Variants in MAPK8 observed in about 807,000 individuals in gnomAD.
MAPK8 encodes the protein mitogen-activated protein kinase 8.
Under a neutral mutation model 52.9 loss-of-function variants are expected in MAPK8, and 13 were observed. The observed-to-expected ratio is 0.25, with a 90% CI of 0.16 to 0.39. The LOEUF (loss-of-function observed/expected upper bound fraction) is 0.39. Ranked by LOEUF, MAPK8 falls within the 10% of genes least tolerant of loss-of-function variation. The pLI is 1.00. For missense variants in MAPK8, 300 were observed against 519.2 expected (o/e 0.58, Z 4.10); for synonymous variants, 191 against 169.8 (o/e 1.12, Z -0.97).
intron 1 of MAPK8, among the ~76,000 whole-genome samples, chr10:48,334,516 G>A (rs1340064236): frequency 6.6e-6 from 1 of 152,116 alleles, no homozygotes; most frequent in Non-Finnish European, 1.5e-5. Flanking sequence ...TGTGCATGAG[G>A]TTTCCTGGTT....
intron 6 of MAPK8, among the ~76,000 whole-genome samples, chr10:48,422,898 A>G (rs1376079559): frequency 6.6e-6 from 1 of 152,224 alleles, no homozygotes; most frequent in Non-Finnish European, 1.5e-5. Flanking sequence ...GTACTGTATT[A>G]GAAAGTACAG....
At position 48,404,925 on chromosome 10, in the gene MAPK8, C is replaced by T; in HGVS notation, c.196C>T (p.His66Tyr). 6.2e-7 allele frequency: 1 copy of T among 1,609,246 alleles called. No homozygotes were observed. Among genetic ancestry groups the T allele is most frequent in the Non-Finnish European group, 8.5e-7 (1 of 1,176,662 alleles). Residue 66 changes from histidine to tyrosine, a missense_variant, in exon 3 of 12, where the codon CAT (histidine) becomes TAT (tyrosine). Coordinates refer to ENST00000374189, the MANE Select transcript of MAPK8 (RefSeq NM_001323329.2). Reference protein sequence around the residue: ...KLSRPFQNQTHAKRAYRELVL... With the variant: ...KLSRPFQNQTYAKRAYRELVL... ...AAGCCGACCATTTCAGAATCAGACTCATGCCAAGCGGGCCTACAGAGAGCT... is the reference window on the plus strand; with the variant it reads ...AAGCCGACCATTTCAGAATCAGACTTATGCCAAGCGGGCCTACAGAGAGCT...
chr10:48,430,862 T>A (rs2044170330), intron 10 of MAPK8: 1 of 324,914 alleles, frequency 3.1e-6, no homozygotes, highest in Non-Finnish European at 5.7e-6. Flanking sequence ...CAGATGGTAG[T>A]ACAGAATGGT....
At chr10:48,406,595 G>A (rs559113995) in intron 3 of MAPK8, among the ~76,000 whole-genome samples, 1 of 152,310 alleles carries the variant, frequency 6.6e-6, no homozygotes, top group South Asian at 2.1e-4. Context: ...CAGTGAGTGA[G>A]TATAAAGCTA....
intron 11 of MAPK8, among the ~76,000 whole-genome samples, chr10:48,434,519 G>A (rs2889610): frequency 0.017 from 2,658 of 152,242 alleles, 292 homozygotes; most frequent in Admixed American, 0.16. Flanking sequence ...CCAAAAAAAG[G>A]CATTACAGAC....
intron 2 of MAPK8, among the ~76,000 whole-genome samples, chr10:48,403,473 T>C (rs1407676521): frequency 6.6e-6 from 1 of 150,506 alleles, no homozygotes; most frequent in African/African-American, 2.4e-5. Context: ...AAAAAAAAAA[T>C]CAGAGCAATT....
intron 1 of MAPK8, among the ~76,000 whole-genome samples, chr10:48,369,675 G>A (rs577004003): frequency 7.7e-4 from 117 of 152,252 alleles, no homozygotes; most frequent in Non-Finnish European, 1.5e-3. Flanking sequence ...GAGAATCTGA[G>A]GGCTAGCAGA....
In MAPK8 at chr10:48,403,588, A is replaced by C. The variant is rs566000129; in HGVS notation, c.123-1264A>C. 3.8e-3 allele frequency among the ~76,000 whole-genome samples: 583 copies of C among 152,268 alleles called. 3 individuals carry two copies. The highest frequency in any genetic ancestry group is 0.01 in the Middle Eastern group (3 of 292). ...CAATATCAAAAATTATAGAAGTTGG[A>C]GTCATTTTGTAAGCCGTTTTGACTG... is the stretch of plus-strand genomic sequence containing the variant. On this transcript the variant is annotated intron_variant, in intron 2 of 11. Transcript: ENST00000374189.
intron 1 of MAPK8, among the ~76,000 whole-genome samples, chr10:48,367,952 G>T (rs951574127): frequency 5.9e-5 from 9 of 152,262 alleles, no homozygotes; most frequent in African/African-American, 2.2e-4. Flanking sequence ...AGAGAAGAGA[G>T]AATTAAATTA....
chr10:48,431,684 T>C (rs956908168), intron 11 of MAPK8, among the ~76,000 whole-genome samples: 2 of 152,228 alleles, frequency 1.3e-5, no homozygotes, highest in Non-Finnish European at 2.9e-5. Context: ...ATTATTGATT[T>C]GTTGAATGAA....
chr10:48,348,950 C>CAA (rs57696845), intron 1 of MAPK8, among the ~76,000 whole-genome samples: 1 of 132,388 alleles, frequency 7.6e-6, no homozygotes, highest in Non-Finnish European at 1.6e-5. Flanking sequence ...AAATGGAAAG[C>CAA]AAAAAAAAAA....
intron 1 of MAPK8, among the ~76,000 whole-genome samples, chr10:48,331,645 G>T (rs1356082948): frequency 6.6e-6 from 1 of 152,208 alleles, no homozygotes; most frequent in East Asian, 1.9e-4. Flanking sequence ...AAGTTGCCAG[G>T]CTGGAAGTGG....
chr10:48,336,661 A>T (rs1191615880), intron 1 of MAPK8, among the ~76,000 whole-genome samples: 2 of 152,344 alleles, frequency 1.3e-5, no homozygotes, highest in East Asian at 3.9e-4. Context: ...AACTTTTTCA[A>T]AAGAAAAAAT....
At chr10:48,334,250 A>T (rs1393011323) in intron 1 of MAPK8, among the ~76,000 whole-genome samples, 1 of 151,894 alleles carries the variant, frequency 6.6e-6, no homozygotes, top group Non-Finnish European at 1.5e-5. Flanking sequence ...CTAAGCCTAG[A>T]ATTTCTGTTT....
chr10:48,382,900 C>T (rs1160831099), intron 1 of MAPK8, among the ~76,000 whole-genome samples: 1 of 131,702 alleles, frequency 7.6e-6, no homozygotes, highest in Non-Finnish European at 1.6e-5. Context: ...ATATATATAG[C>T]TATGTGTATA....
At chr10:48,381,285 A>G (rs1012539051) in intron 1 of MAPK8, among the ~76,000 whole-genome samples, 4 of 152,098 alleles carry the variant, frequency 2.6e-5, no homozygotes, top group East Asian at 1.9e-4. Context: ...AGTTTTAGCT[A>G]TATCATGTAA....
At chr10:48,382,614 A>G (rs542315884) in intron 1 of MAPK8, among the ~76,000 whole-genome samples, 2 of 152,010 alleles carry the variant, frequency 1.3e-5, no homozygotes, top group Non-Finnish European at 2.9e-5. Flanking sequence ...AATAACAAGT[A>G]GCAAATTTAT....
Position 48,426,412 on chromosome 10 carries a change from C to T in MAPK8, c.904C>T (p.Leu302=), listed in dbSNP as rs1392738191. Residue 302 remains leucine (L), a synonymous_variant, in exon 9 of 12, where the codon CTG becomes TTG. Transcript: ENST00000374189. ...GGCAAGGGATTTGTTATCCAAAATG[C>T]TGGTAATAGATGCATCTAAAAGGAT... ...SQARDLLSKM[L]VIDASKRISV... 1.2e-5 allele frequency: 19 copies of T among 1,609,862 alleles called. No individual in the cohort carries two copies. The highest frequency in any genetic ancestry group is 1.6e-5 in the Non-Finnish European group (19 of 1,178,168).
intron 3 of MAPK8, among the ~76,000 whole-genome samples, chr10:48,405,663 T>A (rs2042425389): frequency 6.6e-6 from 1 of 152,250 alleles, no homozygotes; most frequent in Non-Finnish European, 1.5e-5. Flanking sequence ...ATGGAATGAT[T>A]TCTTCAGTTG....
Sources: gnomAD v4.1 joint callset for allele counts (sites outside exome capture counted in the v4.1 genomes callset) on GRCh38, gnomAD v4.1.1 for gene constraint, MANE v1.5 for transcripts, NCBI Gene and HGNC (gene_info 2026-07-23, HGNC 2026-07-21) for gene names.